NAV1: variants seen among roughly 807,000 people sequenced by gnomAD.
NAV1 encodes the protein neuron navigator 1, also known as pore membrane and/or filament interacting like protein 3.
Under a neutral mutation model 175.2 loss-of-function variants are expected in NAV1, and 18 were observed. That is an observed-to-expected ratio of 0.10 (90% CI 0.07 to 0.15). The LOEUF (loss-of-function observed/expected upper bound fraction) is 0.15. Among genes scored for constraint, NAV1 ranks in the 10% least tolerant of loss-of-function variants. The pLI is 1.00. For synonymous variants in NAV1, 897 were observed against 978.7 expected, an observed-to-expected ratio of 0.92 and a Z score of 1.56; for missense variants, 1,731 against 2,436.6, an observed-to-expected ratio of 0.71 and a Z score of 6.10.
At chr1:201,634,776 CT>C (rs1668568497) in intron 2 of NAV1, among the ~76,000 whole-genome samples, 1 of 152,178 alleles carries the variant, frequency 6.6e-6, no homozygotes. Context: ...CTTGGAGCCT[CT>C]TTTCCCCGTG....
intron 2 of NAV1, among the ~76,000 whole-genome samples, chr1:201,633,973 T>C (rs1233132149): frequency 6.6e-6 from 1 of 152,182 alleles, no homozygotes; most frequent in Non-Finnish European, 1.5e-5. Flanking sequence ...ATAGCACTTG[T>C]AGCAGCAGCC....
chr1:201,713,690 A>G (rs546424090), intron 2 of NAV1, among the ~76,000 whole-genome samples: 2 of 152,160 alleles, frequency 1.3e-5, no homozygotes, highest in East Asian at 3.9e-4. Context: ...GGCAGAACAG[A>G]CAGCCAGATT....
intron 2 of NAV1, among the ~76,000 whole-genome samples, chr1:201,595,184 G>A (rs146544039): frequency 1.0e-3 from 154 of 152,298 alleles, no homozygotes; most frequent in Non-Finnish European, 1.4e-3. Flanking sequence ...ATCTCAGGCC[G>A]AGCTAAGGTG....
chr1:201,688,936 A>G (rs561470591), intron 1 of NAV1, among the ~76,000 whole-genome samples: 3 of 152,334 alleles, frequency 2.0e-5, no homozygotes, highest in Non-Finnish European at 4.4e-5. Context: ...CCTGCTCCAC[A>G]TGCACTGCTG....
At chr1:201,634,558 G>A (rs1401031663) in intron 2 of NAV1, among the ~76,000 whole-genome samples, 1 of 152,204 alleles carries the variant, frequency 6.6e-6, no homozygotes. Flanking sequence ...GGCCAGATAA[G>A]TAAGGTCATC....
In NAV1 at chr1:201,701,757, T is replaced by C. The variant is rs1424430370; in HGVS notation, c.758-11060T>C. Among the ~76,000 whole-genome samples, 3 of 152,142 alleles carry C rather than the reference T, an allele frequency of 2.0e-5. No homozygotes were observed. In the East Asian group the frequency reaches 5.8e-4, roughly 29 times the overall value. ...AAGTGTCAGTGAAGATATGGAGAAA[T>C]TGGAACTCTCATATACTGCTGATGG... is the stretch of plus-strand genomic sequence containing the variant. On this transcript the variant is annotated intron_variant, in intron 1 of 29. Coordinates refer to ENST00000367296, the Ensembl canonical transcript of NAV1.
chr1:201,553,108 C>T (rs551708225), intron 1 of NAV1, among the ~76,000 whole-genome samples: 19 of 152,300 alleles, frequency 1.2e-4, no homozygotes, highest in African/African-American at 4.3e-4. Flanking sequence ...AAGGAGGAGC[C>T]GCAGATGTGG....
intron 2 of NAV1, among the ~76,000 whole-genome samples, chr1:201,609,042 G>A (rs761538742): frequency 1.3e-4 from 20 of 152,292 alleles, no homozygotes; most frequent in African/African-American, 2.4e-4. Context: ...TGCTTGCCCC[G>A]CTTTTCAGAT....
intron 3 of NAV1, among the ~76,000 whole-genome samples, chr1:201,752,230 T>C (rs1444239299): frequency 1.3e-5 from 2 of 152,154 alleles, no homozygotes; most frequent in African/African-American, 4.8e-5. Flanking sequence ...TACAAAGCCC[T>C]CCAAGGCCGG....
At chr1:201,791,424 C>T (rs1474919785) in intron 13 of NAV1, 1 of 152,272 alleles carries the variant, frequency 6.6e-6, no homozygotes, top group Non-Finnish European at 1.5e-5. Flanking sequence ...TTTTTCTACC[C>T]TGTGACATGG....
chr1:201,616,940 C>G (rs190792512), intron 2 of NAV1, among the ~76,000 whole-genome samples: 1 of 152,276 alleles, frequency 6.6e-6, no homozygotes, highest in African/African-American at 2.4e-5. Context: ...GGAAGGTGCC[C>G]AGCCAAGGTG....
intron 3 of NAV1, among the ~76,000 whole-genome samples, chr1:201,734,759 C>T (rs943986675): frequency 2.6e-5 from 4 of 152,212 alleles, no homozygotes; most frequent in African/African-American, 9.6e-5. Flanking sequence ...AGGTGAGGGT[C>T]CATCAGGCCC....
chr1:201,545,286 G>A (rs1028470028), intron 1 of NAV1, among the ~76,000 whole-genome samples: 42 of 152,110 alleles, frequency 2.8e-4, no homozygotes, highest in African/African-American at 1.0e-3. Context: ...GTGAGACCAT[G>A]TCAGACCTGA....
chr1:201,684,021 TA>T (rs201546516), intron 1 of NAV1, among the ~76,000 whole-genome samples: 17 of 152,308 alleles, frequency 1.1e-4, no homozygotes, highest in African/African-American at 3.9e-4. Flanking sequence ...CTACATTTTT[TA>T]TTTTGTTTTC....
chr1:201,700,534 C>A lies in NAV1; in HGVS notation c.758-12283C>A, dbSNP rs572698865. Among the ~76,000 whole-genome samples the A allele has an allele frequency of 4.5e-4, 68 of 152,224 alleles. 1 individual carries two copies. Among genetic ancestry groups the A allele is most frequent in the Admixed American group, 1.7e-3 (26 of 15,298 alleles). ...CATTGTGGAAGATAGTGTGGCAATTCCAAGGATCTAGAACGAGAAATACCA... is the reference window on the plus strand; with the variant it reads ...CATTGTGGAAGATAGTGTGGCAATTACAAGGATCTAGAACGAGAAATACCA... On this transcript the variant is annotated intron_variant, in intron 1 of 29. Transcript: ENST00000367296.
chr1:201,702,861 G>A (rs1214140355), intron 1 of NAV1, among the ~76,000 whole-genome samples: 2 of 152,270 alleles, frequency 1.3e-5, no homozygotes, highest in East Asian at 1.9e-4. Context: ...CCAGGCTTCC[G>A]TTTTTCTCAA....
chr1:201,746,848 C>CA (rs1397084311), intron 3 of NAV1, among the ~76,000 whole-genome samples: 4 of 151,820 alleles, frequency 2.6e-5, no homozygotes, highest in Non-Finnish European at 4.4e-5. Flanking sequence ...CAAAAAAATA[C>CA]AAAAAATTAG....
intron 1 of NAV1, among the ~76,000 whole-genome samples, chr1:201,555,896 C>T (rs1292508881): frequency 1.3e-5 from 2 of 151,728 alleles, no homozygotes; most frequent in East Asian, 1.9e-4. Context: ...TTAATAACAG[C>T]TTCTGGGGTA....
At chr1:201,803,740 A>G in intron 16 of NAV1, 26 bp downstream of exon 20, 1 of 1,605,744 alleles carries the variant, frequency 6.2e-7, no homozygotes. Flanking sequence ...GGGGGTGGGA[A>G]GTAGGTAGAA....
Sources: allele counts gnomAD v4.1 joint callset (sites outside exome capture counted in the v4.1 genomes callset), GRCh38; gene constraint gnomAD v4.1.1; transcripts MANE v1.5; gene names NCBI Gene and HGNC (gene_info 2026-07-23, HGNC 2026-07-21).